IFT74: variants seen among roughly 807,000 people sequenced by gnomAD.
The protein encoded by IFT74 is intraflagellar transport protein 74 homolog.
Under a neutral mutation model 96.7 loss-of-function variants are expected in IFT74, and 92 were observed. The ratio of observed to expected loss-of-function variants is 0.95; its 90% CI spans 0.80 to 1.13. The LOEUF is 1.13. IFT74 is among the 50% of genes most tolerant of loss of function. IFT74 has a pLI of 0.00. For synonymous variants in IFT74, 223 were observed against 213.2 expected, an observed-to-expected ratio of 1.05 and a Z score of -0.40; for missense variants, 811 against 698.2, an observed-to-expected ratio of 1.16 and a Z score of -1.82.
At chr9:27,040,021 T>C (rs1372686668) in intron 13 of IFT74, among the ~76,000 whole-genome samples, 1 of 152,158 alleles carries the variant, frequency 6.6e-6, no homozygotes, top group Non-Finnish European at 1.5e-5. Context: ...CACTAAAATA[T>C]GTGAAAATGT....
At chr9:27,012,177 C>G (rs950495364) in intron 10 of IFT74, among the ~76,000 whole-genome samples, 1 of 152,114 alleles carries the variant, frequency 6.6e-6, no homozygotes, top group Non-Finnish European at 1.5e-5. Flanking sequence ...ATGTATAAAA[C>G]AAATCATTCC....
Position 27,056,411 on chromosome 9 carries a change from G to A in IFT74, c.1575G>A (p.Glu525=), listed in dbSNP as rs1234872634. 6.2e-7 allele frequency: 1 copy of A among 1,601,296 alleles called. No homozygotes were observed. Among genetic ancestry groups the A allele is most frequent in the Non-Finnish European group, 8.5e-7 (1 of 1,174,224 alleles). The change falls in exon 18 of 20, where the codon GAG becomes GAA. Residue 525 remains glutamate (E), a synonymous_variant. Transcript: ENST00000380062. ...FKKIMEKQNI[E]YEALKTQLQE... is the part of the protein sequence containing the mutation. ...AAATAATGGAGAAGCAAAACATAGA[G>A]TATGAGGCACTAAAAACACAATTGC...
Position 27,065,996 on chromosome 9 carries a change from A to T in IFT74, c.*3260A>T, listed in dbSNP as rs1241948864. On this transcript the variant is annotated 3_prime_UTR_variant, in exon 20 of 20. Transcript: ENST00000380062. Reference sequence around the variant, plus strand: ...GGTAGATAATTTAGGAAGACAGATAAATAAAATGAAGAAAGTAAGTTACTT... The same window carrying T: ...GGTAGATAATTTAGGAAGACAGATATATAAAATGAAGAAAGTAAGTTACTT... 6.6e-6 allele frequency among the ~76,000 whole-genome samples: 1 copy of T among 152,240 alleles called. No homozygotes were observed. Among genetic ancestry groups the T allele is most frequent in the African/African-American group, 2.4e-5 (1 of 41,468 alleles).
At chr9:26,996,740 T>C (rs574421334) in intron 8 of IFT74, among the ~76,000 whole-genome samples, 1 of 152,034 alleles carries the variant, frequency 6.6e-6, no homozygotes, top group South Asian at 2.1e-4. Flanking sequence ...GTGTAGATTT[T>C]ATTATTAATA....
intron 1 of IFT74, among the ~76,000 whole-genome samples, chr9:26,958,784 T>C (rs1266722673): frequency 1.3e-5 from 2 of 152,160 alleles, no homozygotes; most frequent in Non-Finnish European, 2.9e-5. Flanking sequence ...GGAATCAGTT[T>C]ATTAATTGTT....
intron 1 of IFT74, among the ~76,000 whole-genome samples, chr9:26,961,571 G>C (rs957526697): frequency 1.3e-5 from 2 of 152,112 alleles, no homozygotes; most frequent in Non-Finnish European, 2.9e-5. Context: ...GAAAGTATTT[G>C]TAACAAGATT....
intron 13 of IFT74, among the ~76,000 whole-genome samples, chr9:27,035,073 A>G (rs1819110251): frequency 6.6e-6 from 1 of 152,280 alleles, no homozygotes; most frequent in Admixed American, 6.5e-5. Flanking sequence ...TACCAATAAC[A>G]TAAATGGTAA....
chr9:26,986,452 A>G (rs1246520995), intron 6 of IFT74, among the ~76,000 whole-genome samples: 1 of 151,484 alleles, frequency 6.6e-6, no homozygotes, highest in Non-Finnish European at 1.5e-5. Flanking sequence ...AGCAGCTGGG[A>G]CTACAGGCAC....
At chr9:26,989,341 A>G (rs1411815260) in intron 7 of IFT74, among the ~76,000 whole-genome samples, 4 of 152,178 alleles carry the variant, frequency 2.6e-5, no homozygotes, top group Admixed American at 6.5e-5. Flanking sequence ...ACAAACCTGC[A>G]CATGTACCTC....
intron 16 of IFT74, among the ~76,000 whole-genome samples, chr9:27,051,705 A>G (rs1200832370): frequency 6.6e-6 from 1 of 152,200 alleles, no homozygotes; most frequent in African/African-American, 2.4e-5. Context: ...GACTTAGTTC[A>G]CTTAGCGTAA....
At chr9:26,984,973 A>G (rs1433533450) in intron 6 of IFT74, among the ~76,000 whole-genome samples, 1 of 152,230 alleles carries the variant, frequency 6.6e-6, no homozygotes. Flanking sequence ...CCAAAGGAAT[A>G]TAAATCATTT....
chr9:27,027,907 G>A (rs1829943660), intron 12 of IFT74, among the ~76,000 whole-genome samples: 2 of 152,066 alleles, frequency 1.3e-5, no homozygotes, highest in Non-Finnish European at 2.9e-5. Flanking sequence ...TAAAGACTAT[G>A]TCTATGTTTT....
chr9:27,022,863 G>C (rs1398427263), intron 12 of IFT74, among the ~76,000 whole-genome samples: 1 of 151,954 alleles, frequency 6.6e-6, no homozygotes, highest in Non-Finnish European at 1.5e-5. Flanking sequence ...GGATGGTCTT[G>C]ACCTGACCTT....
chr9:26,968,886 T>C (rs1255367036), intron 2 of IFT74, among the ~76,000 whole-genome samples: 1 of 131,900 alleles, frequency 7.6e-6, no homozygotes, highest in Non-Finnish European at 1.5e-5. Context: ...CATTAATCTT[T>C]TATATTTTTT....
chr9:26,977,645 C>T (rs749724458), intron 2 of IFT74, among the ~76,000 whole-genome samples: 38 of 152,054 alleles, frequency 2.5e-4, no homozygotes, highest in African/African-American at 7.7e-4. Flanking sequence ...TGTGCCACCA[C>T]GCCTGGATAA....
intron 13 of IFT74, among the ~76,000 whole-genome samples, chr9:27,033,136 A>G (rs546099086): frequency 6.6e-6 from 1 of 152,208 alleles, no homozygotes; most frequent in Non-Finnish European, 1.5e-5. Flanking sequence ...ACTAATATAC[A>G]GTTCTTCTGA....
chr9:26,962,926 ATTTTT>A (rs370313745), intron 2 of IFT74, among the ~76,000 whole-genome samples: 1 of 136,536 alleles, frequency 7.3e-6, no homozygotes, highest in African/African-American at 2.7e-5. Flanking sequence ...AACTTTACTA[ATTTTT>A]TTTTTTTTCT....
chr9:27,058,184 A>G (rs1376023100), intron 18 of IFT74, among the ~76,000 whole-genome samples: 1 of 150,944 alleles, frequency 6.6e-6, no homozygotes, highest in Non-Finnish European at 1.5e-5. Flanking sequence ...GAGCTCCTGG[A>G]CTCAACCGAT....
chr9:27,025,077 G>T (rs1339456065), intron 12 of IFT74, among the ~76,000 whole-genome samples: 2 of 151,922 alleles, frequency 1.3e-5, no homozygotes, highest in East Asian at 3.9e-4. Flanking sequence ...AAACCTGTAA[G>T]TTTGGAAAAT....
Sources: gnomAD v4.1 joint callset for allele counts (sites outside exome capture counted in the v4.1 genomes callset) on GRCh38, gnomAD v4.1.1 for gene constraint, MANE v1.5 for transcripts, NCBI Gene and HGNC (gene_info 2026-07-23, HGNC 2026-07-21) for gene names.